PRSS23: variants seen among roughly 807,000 people sequenced by gnomAD.
The protein encoded by PRSS23 is serine protease 23, also known as protease, serine 23.
A neutral mutation model predicts 34.7 loss-of-function variants in PRSS23; 25 were observed. That is an observed-to-expected ratio of 0.72 (90% CI 0.53 to 1.01). The LOEUF (loss-of-function observed/expected upper bound fraction) is 1.01. PRSS23 is among the 50% of genes least tolerant of loss of function. PRSS23 has a pLI of 0.00. For missense variants in PRSS23, 445 were observed against 475.6 expected (o/e 0.94, Z 0.60); for synonymous variants, 176 against 186.6 (o/e 0.94, Z 0.46).
At chr11:86,801,561 A>G (rs1948038783) in intron 1 of PRSS23, among the ~76,000 whole-genome samples, 1 of 152,228 alleles carries the variant, frequency 6.6e-6, no homozygotes, top group South Asian at 2.1e-4. Context: ...ACTCCTTAGG[A>G]ACAGGTAGGC....
chr11:86,861,510 C>T (rs1194102305), intron 2 of PRSS23, among the ~76,000 whole-genome samples: 1 of 151,750 alleles, frequency 6.6e-6, no homozygotes, highest in East Asian at 1.9e-4. Flanking sequence ...GGTGTACACG[C>T]CCTTGTGATA....
chr11:86,815,030 C>G (rs562315520), downstream of PRSS23, among the ~76,000 whole-genome samples: 66 of 152,326 alleles, frequency 4.3e-4, no homozygotes, highest in South Asian at 0.013. Flanking sequence ...GCAAGAACAG[C>G]TTTGAGAAGC....
intron 2 of PRSS23, among the ~76,000 whole-genome samples, chr11:86,879,823 G>T (rs1213256217): frequency 6.2e-5 from 8 of 128,756 alleles, no homozygotes; most frequent in East Asian, 2.5e-4. Flanking sequence ...AGGGAGGTGG[G>T]GGGGGTCAGC....
At chr11:86,825,389 C>G (rs1948291768) in intron 2 of PRSS23, among the ~76,000 whole-genome samples, 1 of 152,168 alleles carries the variant, frequency 6.6e-6, no homozygotes. Context: ...AGCCCTTTGT[C>G]AGATGAGTAG....
chr11:86,833,619 C>G (rs1948378810), intron 2 of PRSS23, among the ~76,000 whole-genome samples: 1 of 152,110 alleles, frequency 6.6e-6, no homozygotes, highest in African/African-American at 2.4e-5. Flanking sequence ...CCACTGTGCT[C>G]TCAGGCCATA....
At chr11:86,879,559 C>T (rs1372514023) in intron 2 of PRSS23, among the ~76,000 whole-genome samples, 83 of 140,368 alleles carry the variant, frequency 5.9e-4, no homozygotes, top group African/African-American at 2.0e-3. Context: ...GGGGGTCAGC[C>T]CCCCGCCCGG....
At chr11:86,894,838 C>T (rs1380714200) in intron 2 of PRSS23, among the ~76,000 whole-genome samples, 5 of 152,118 alleles carry the variant, frequency 3.3e-5, no homozygotes, top group Admixed American at 1.3e-4. Context: ...GTGTATATGT[C>T]TTATCTCTTC....
Position 86,807,727 on chromosome 11 carries a change from G to C in PRSS23, c.84G>C (p.Trp28Cys). 2.5e-6 allele frequency: 4 copies of C among 1,614,010 alleles called. No homozygotes were observed. Among genetic ancestry groups the C allele is most frequent in the Non-Finnish European group, 3.4e-6 (4 of 1,179,964 alleles). The change falls in exon 2 of 2, where the codon TGG becomes TGC. Residue 28 changes from tryptophan (W) to cysteine (C), a missense_variant. Coordinates refer to ENST00000280258, the MANE Select transcript of PRSS23 (RefSeq NM_007173.6). ...AAGTGAGCCCTTACAGTGCCCCCTG[G>C]AAACCCACTTGGCCTGCATACCGCC... ...VGQVSPYSAP[W>C]KPTWPAYRLP...
chr11:86,850,063 G>A (rs1271707972), intron 2 of PRSS23, among the ~76,000 whole-genome samples: 1 of 152,220 alleles, frequency 6.6e-6, no homozygotes, highest in South Asian at 2.1e-4. Flanking sequence ...ACTGGAATAT[G>A]TTTAACCAAT....
chr11:86,800,746 G>A (rs976496035), intron 1 of PRSS23, 95 bp downstream of exon 1: 2 of 724,802 alleles, frequency 2.8e-6, no homozygotes, highest in African/African-American at 1.9e-5. Context: ...CGCGGGGTAG[G>A]GTAACTGCGG....
intron 2 of PRSS23, among the ~76,000 whole-genome samples, chr11:86,848,742 G>A (rs551862805): frequency 3.9e-5 from 6 of 152,276 alleles, no homozygotes; most frequent in East Asian, 1.9e-4. Context: ...TGCCAACCTC[G>A]TTGTTCTATA....
At position 86,904,391 on chromosome 11, in the gene PRSS23, A is replaced by G. The variant is rs2134986953; in HGVS notation, c.207-46825A>G. Among the ~76,000 whole-genome samples, 5 of 152,130 alleles carry G rather than the reference A, an allele frequency of 3.3e-5. No homozygotes were observed. The Middle Eastern group carries it at 0.01, about 310-fold the overall frequency. ...GCATGTTGTATCCTAGTAATCATGA[A>G]CTGCTTGTGGTTCTAGCAGTTTAGT... On this transcript the variant is annotated intron_variant, in intron 2 of 2. Coordinates refer to the PRSS23 transcript ENST00000533902.
At chr11:86,917,824 T>C (rs1301952204) in intron 2 of PRSS23, among the ~76,000 whole-genome samples, 1 of 152,202 alleles carries the variant, frequency 6.6e-6, no homozygotes, top group Non-Finnish European at 1.5e-5. Context: ...GAAAGTATAA[T>C]TGATTGCCTA....
chr11:86,793,113 T>A (rs1939115), intron 1 of PRSS23, among the ~76,000 whole-genome samples: 53,954 of 152,096 alleles, frequency 0.35, 10,488 homozygotes, highest in African/African-American at 0.49. Context: ...TTAGAAGGCT[T>A]CTATATTGTG....
intron 2 of PRSS23, among the ~76,000 whole-genome samples, chr11:86,938,260 C>T (rs1388591364): frequency 6.6e-6 from 1 of 152,184 alleles, no homozygotes; most frequent in Non-Finnish European, 1.5e-5. Flanking sequence ...TAATATAACA[C>T]ATGCAATTAC....
intron 2 of PRSS23, among the ~76,000 whole-genome samples, chr11:86,864,247 T>C (rs1948635436): frequency 6.6e-6 from 1 of 151,992 alleles, no homozygotes. Flanking sequence ...CAAAGACTAG[T>C]GTTCCTGGCC....
At chr11:86,941,632 T>C (rs1949207908) in intron 2 of PRSS23, among the ~76,000 whole-genome samples, 1 of 152,240 alleles carries the variant, frequency 6.6e-6, no homozygotes, top group Non-Finnish European at 1.5e-5. Context: ...TAAAAATCAC[T>C]CCCTTTCCCT....
At chr11:86,945,023 A>G (rs1949231146) in intron 2 of PRSS23, among the ~76,000 whole-genome samples, 1 of 152,180 alleles carries the variant, frequency 6.6e-6, no homozygotes, top group Non-Finnish European at 1.5e-5. Flanking sequence ...TGTGAGGTCT[A>G]TAATATTACT....
chr11:86,951,044 C>CA (rs1269765581), intron 2 of PRSS23: 9 of 1,327,090 alleles, frequency 6.8e-6, no homozygotes, highest in Non-Finnish European at 9.8e-6. Context: ...CTAGTTTGTT[C>CA]AAACTGAGAT....
Sources: allele counts gnomAD v4.1 joint callset (sites outside exome capture counted in the v4.1 genomes callset), GRCh38; gene constraint gnomAD v4.1.1; transcripts MANE v1.5; gene names NCBI Gene and HGNC (gene_info 2026-07-23, HGNC 2026-07-21).